The following TENM2 variants were observed in gnomAD, a reference collection of about 807,000 sequenced individuals.
The protein encoded by TENM2 is teneurin transmembrane protein 2, also known as teneurin-2.
Under a neutral mutation model 245.2 loss-of-function variants are expected in TENM2, and 52 were observed. That is an observed-to-expected ratio of 0.21 (90% CI 0.17 to 0.27). The LOEUF (loss-of-function observed/expected upper bound fraction) is 0.27, where lower values mean the gene tolerates loss of function less well. Among genes scored for constraint, TENM2 ranks in the 10% least tolerant of loss-of-function variants. The probability of loss-of-function intolerance (pLI) is 1.00; values close to 1 mark genes in which losing one functional copy is unlikely to be tolerated. For missense variants in TENM2, 3,046 were observed against 3,666.8 expected (o/e 0.83, Z 4.37); for synonymous variants, 1,363 against 1,438.9 (o/e 0.95, Z 1.19).
chr5:167,839,988 T>G (rs1382146020), intron 2 of TENM2, among the ~76,000 whole-genome samples: 2 of 152,142 alleles, frequency 1.3e-5, no homozygotes, highest in Non-Finnish European at 2.9e-5. Context: ...CTGCTAAATT[T>G]TTTTGTATTT....
chr5:168,162,509 C>T, intron 12 of TENM2, 102 bp from the exon 15 acceptor site: 4 of 1,320,296 alleles, frequency 3.0e-6, no homozygotes, highest in Non-Finnish European at 4.2e-6. Context: ...TGAGGCTGGC[C>T]CAGCGGCTGC....
rs373514707 is a variant in TENM2 at position 168,256,401 on chromosome 5, T to C, written c.7433-3882T>C. Among the ~76,000 whole-genome samples the C allele has an allele frequency of 4.9e-4, 74 of 151,098 alleles. 1 individual carries two copies. In the Middle Eastern group the frequency reaches 0.021, roughly 42 times the overall value. ...TCTCTCTGCTTGATATTAACGTACT[T>C]TTTAAGGGAATTTCAAACTTGTATT... On this transcript the variant is annotated intron_variant, in intron 27 of 28. Transcript: ENST00000518659.
At chr5:167,868,956 A>G (rs951544419) in intron 2 of TENM2, among the ~76,000 whole-genome samples, 35 of 152,212 alleles carry the variant, frequency 2.3e-4, no homozygotes, top group Non-Finnish European at 3.5e-4. Context: ...TGGGCTCTAC[A>G]TATAACATCT....
chr5:167,707,903 G>C (rs1292038460), intron 2 of TENM2, among the ~76,000 whole-genome samples: 5 of 152,194 alleles, frequency 3.3e-5, no homozygotes, highest in Non-Finnish European at 5.9e-5. Flanking sequence ...ATGGTGGCCA[G>C]AGGCATGTCA....
intron 2 of TENM2, among the ~76,000 whole-genome samples, chr5:167,859,401 G>C (rs113139446): frequency 7.0e-6 from 1 of 143,074 alleles, no homozygotes; most frequent in African/African-American, 2.6e-5. Flanking sequence ...CCCCCCGCCC[G>C]GCCAGCCGCC....
At chr5:167,555,486 T>C (rs1773210169) in intron 2 of TENM2, among the ~76,000 whole-genome samples, 1 of 152,222 alleles carries the variant, frequency 6.6e-6, no homozygotes, top group Non-Finnish European at 1.5e-5. Context: ...TTGTAAGTTA[T>C]TGTCTTCTCC....
At chr5:167,268,510 A>G in the TENM2 span, among the ~76,000 whole-genome samples, 1 of 152,194 alleles carries the variant, frequency 6.6e-6, no homozygotes, top group Non-Finnish European at 1.5e-5. Context: ...GATTTCTGGC[A>G]AAAGAAGTCC....
intron 3 of TENM2, chr5:167,949,009 T>C (rs900899960): frequency 2.0e-5 from 3 of 152,198 alleles, no homozygotes. Context: ...TGGATGACTG[T>C]AGTGAAAAGT....
At chr5:167,420,493 C>G (rs1330233152) in intron 2 of TENM2, among the ~76,000 whole-genome samples, 1 of 152,130 alleles carries the variant, frequency 6.6e-6, no homozygotes, top group African/African-American at 2.4e-5. Context: ...ATTCTTCTCA[C>G]TCACTCACTC....
chr5:168,251,169 G>A (rs1401249390), intron 27 of TENM2, among the ~76,000 whole-genome samples: 1 of 152,180 alleles, frequency 6.6e-6, no homozygotes, highest in Non-Finnish European at 1.5e-5. Flanking sequence ...ATCAGCCAGA[G>A]AGGCAATAAA....
intron 7 of TENM2, among the ~76,000 whole-genome samples, chr5:168,084,070 C>T (rs1421519197): frequency 6.6e-6 from 1 of 152,222 alleles, no homozygotes; most frequent in South Asian, 2.1e-4. Context: ...CCTCCAGCTA[C>T]ATCCATATTG....
chr5:167,696,252 G>C (rs942694366), intron 2 of TENM2, among the ~76,000 whole-genome samples: 1 of 151,996 alleles, frequency 6.6e-6, no homozygotes, highest in Non-Finnish European at 1.5e-5. Context: ...GAAAAAAGTA[G>C]CTTATTATTT....
chr5:167,764,426 A>G (rs1762870206), intron 2 of TENM2, among the ~76,000 whole-genome samples: 2 of 152,178 alleles, frequency 1.3e-5, no homozygotes, highest in Admixed American at 1.3e-4. Context: ...TCAGCTCTCC[A>G]AGGAGCGAGA....
exon 15 of TENM2, chr5:168,195,275 C>T: frequency 6.3e-7 from 1 of 1,592,722 alleles, no homozygotes; most frequent in South Asian, 1.1e-5. Flanking sequence ...ACGGCTACAC[C>T]ATCACCCGCC....
chr5:167,644,828 C>T (rs1234353104), intron 2 of TENM2, among the ~76,000 whole-genome samples: 1 of 152,162 alleles, frequency 6.6e-6, no homozygotes, highest in Non-Finnish European at 1.5e-5. Flanking sequence ...CAGTGACGTA[C>T]AGTCATGCAT....
At chr5:167,630,075 C>T (rs1002730649) in intron 2 of TENM2, among the ~76,000 whole-genome samples, 2 of 151,828 alleles carry the variant, frequency 1.3e-5, no homozygotes, top group Non-Finnish European at 2.9e-5. Context: ...TTTCTTTTTT[C>T]TTCTTCATAA....
At chr5:167,886,973 G>A (rs1774339384) in intron 3 of TENM2, among the ~76,000 whole-genome samples, 1 of 152,160 alleles carries the variant, frequency 6.6e-6, no homozygotes, top group African/African-American at 2.4e-5. Flanking sequence ...GAGCCCTGTG[G>A]AGTTGTTGGG....
chr5:167,777,446 A>G (rs1214564136), intron 2 of TENM2, among the ~76,000 whole-genome samples: 2 of 152,258 alleles, frequency 1.3e-5, no homozygotes, highest in Non-Finnish European at 2.9e-5. Flanking sequence ...TAATGTGCCT[A>G]GCACTGTGCT....
At chr5:167,878,261 CTT>C (rs759705879) in intron 3 of TENM2, among the ~76,000 whole-genome samples, 92 of 152,146 alleles carry the variant, frequency 6.0e-4, no homozygotes, top group Non-Finnish European at 9.6e-4. Context: ...CAGAGTCAAA[CTT>C]GTCCATTTTT....
Sources: allele counts gnomAD v4.1 joint callset (sites outside exome capture counted in the v4.1 genomes callset), GRCh38; gene constraint gnomAD v4.1.1; transcripts MANE v1.5; gene names NCBI Gene and HGNC (gene_info 2026-07-23, HGNC 2026-07-21).